The following AGMO variants were observed in gnomAD, a reference collection of about 807,000 sequenced individuals.
AGMO encodes the protein glyceryl-ether monooxygenase.
A neutral mutation model predicts 60.2 loss-of-function variants in AGMO; 75 were observed. The ratio of observed to expected loss-of-function variants is 1.25; its 90% CI spans 1.03 to 1.51. AGMO has a LOEUF of 1.51. Ranked by LOEUF, AGMO falls within the 40% of genes most tolerant of loss-of-function variation. The pLI is 0.00. For synonymous variants in AGMO, 261 were observed against 177.1 expected (o/e 1.47, Z -3.76); for missense variants, 763 against 525.5 (o/e 1.45, Z -4.42).
At chr7:15,517,935 C>T (rs1000495299) in intron 3 of AGMO, among the ~76,000 whole-genome samples, 1 of 152,162 alleles carries the variant, frequency 6.6e-6, no homozygotes, top group Non-Finnish European at 1.5e-5. Flanking sequence ...GAAATTCTCC[C>T]AGCCAGCACA....
intron 12 of AGMO, among the ~76,000 whole-genome samples, chr7:15,321,538 G>A (rs976617764): frequency 6.6e-6 from 1 of 152,032 alleles, no homozygotes; most frequent in Non-Finnish European, 1.5e-5. Context: ...AGAGCCAGAA[G>A]GAAATGGTAA....
chr7:15,533,739 G>T (rs1457000324), intron 3 of AGMO, among the ~76,000 whole-genome samples: 1 of 152,116 alleles, frequency 6.6e-6, no homozygotes, highest in Non-Finnish European at 1.5e-5. Flanking sequence ...GATGAAATCA[G>T]ATTTCTTGTT....
chr7:15,190,353 G>T, the AGMO span, among the ~76,000 whole-genome samples: 5 of 151,360 alleles, frequency 3.3e-5, no homozygotes, highest in East Asian at 9.7e-4. Flanking sequence ...GGCCAAAGAA[G>T]CAGGTTATCA....
chr7:15,180,708 G>A, the AGMO span, among the ~76,000 whole-genome samples: 1 of 152,158 alleles, frequency 6.6e-6, no homozygotes, highest in East Asian at 1.9e-4. Context: ...CATTTCCAAA[G>A]CTGTTTCCAC....
At chr7:15,125,411 C>G in the AGMO span, among the ~76,000 whole-genome samples, 1 of 151,984 alleles carries the variant, frequency 6.6e-6, no homozygotes, top group African/African-American at 2.4e-5. Flanking sequence ...ACCAAGAGCC[C>G]CATAGCTTAA....
At chr7:15,514,194 T>C (rs1401373260) in intron 3 of AGMO, among the ~76,000 whole-genome samples, 6 of 152,200 alleles carry the variant, frequency 3.9e-5, no homozygotes, top group Non-Finnish European at 5.9e-5. Flanking sequence ...CATCAACTCC[T>C]GGCTTATAAA....
At chr7:15,394,891 A>T (rs528430849) in intron 5 of AGMO, among the ~76,000 whole-genome samples, 71 of 152,308 alleles carry the variant, frequency 4.7e-4, no homozygotes, top group Non-Finnish European at 7.3e-4. Flanking sequence ...GCCTTTTTTC[A>T]CAATTAAAGT....
rs186964232 is a variant in AGMO, at chr7:15,201,185, G to C, written c.*100C>G. Reference sequence around the variant, plus strand: ...AATTTTACTTTTCATTGAAGAAATAGTTCATATAAGCATTACATAAAATAA... The same window carrying C: ...AATTTTACTTTTCATTGAAGAAATACTTCATATAAGCATTACATAAAATAA... On this transcript the variant is annotated 3_prime_UTR_variant, in exon 13 of 13. Coordinates refer to ENST00000342526, the MANE Select transcript of AGMO (RefSeq NM_001004320.2). The C allele has an allele frequency of 3.1e-6, 2 of 642,720 alleles. No individual in the cohort carries two copies. The highest frequency in any genetic ancestry group is 2.5e-6 in the Non-Finnish European group (1 of 401,632). The allele number at this position is 642,720 out of a possible 1,614,324, so 39.8% of individuals were successfully genotyped here.
intron 3 of AGMO, among the ~76,000 whole-genome samples, chr7:15,447,778 C>T (rs1781740840): frequency 6.6e-6 from 1 of 151,958 alleles, no homozygotes; most frequent in South Asian, 2.1e-4. Context: ...GTCTTGAACT[C>T]CTAACCTCAA....
the AGMO span, among the ~76,000 whole-genome samples, chr7:15,159,196 C>T: frequency 6.6e-6 from 1 of 152,068 alleles, no homozygotes; most frequent in South Asian, 2.1e-4. Flanking sequence ...AGAAGAAAAA[C>T]TTGAGATACA....
At chr7:15,551,678 C>A (rs1469491173) in intron 2 of AGMO, among the ~76,000 whole-genome samples, 1 of 150,978 alleles carries the variant, frequency 6.6e-6, no homozygotes, top group Non-Finnish European at 1.5e-5. Flanking sequence ...AGGATATAAA[C>A]AAATGGAAGA....
rs78521901 is a variant in AGMO at position 15,339,462 on chromosome 7, C to T, written c.1263+26052G>A. On this transcript the variant is annotated intron_variant, in intron 12 of 12. Transcript: ENST00000342526. ...TGATTATGCATATAATTATATCTAA[C>T]AAAATCCAAACATAATTTTAGAGGA... 8.3e-3 allele frequency among the ~76,000 whole-genome samples: 1,265 copies of T among 152,196 alleles called. 7 individuals are homozygous for T. Among genetic ancestry groups the T allele is most frequent in the Non-Finnish European group, 0.013 (897 of 68,018 alleles).
chr7:15,292,686 G>T (rs974798755), intron 12 of AGMO, among the ~76,000 whole-genome samples: 33 of 148,650 alleles, frequency 2.2e-4, no homozygotes, highest in African/African-American at 7.4e-4. Context: ...TAAATATTAA[G>T]ATTTCTATCA....
intron 12 of AGMO, among the ~76,000 whole-genome samples, chr7:15,247,701 T>C (rs1209241861): frequency 1.3e-5 from 2 of 152,120 alleles, no homozygotes; most frequent in Admixed American, 1.3e-4. Flanking sequence ...TTTCCCAACA[T>C]GACTAAATTA....
At chr7:15,320,317 C>T (rs1163432633) in intron 12 of AGMO, among the ~76,000 whole-genome samples, 3 of 151,498 alleles carry the variant, frequency 2.0e-5, no homozygotes, top group Admixed American at 6.6e-5. Context: ...CCTAATGCAA[C>T]TGAAGAAAGT....
At chr7:15,361,462 C>T (rs1294881149) in intron 12 of AGMO, among the ~76,000 whole-genome samples, 1 of 145,030 alleles carries the variant, frequency 6.9e-6, no homozygotes, top group East Asian at 2.0e-4. Flanking sequence ...ATGGCGTGAA[C>T]CTGGGAGGCG....
At chr7:15,393,335 T>C (rs1005844419) in intron 6 of AGMO, among the ~76,000 whole-genome samples, 5 of 152,240 alleles carry the variant, frequency 3.3e-5, no homozygotes, top group African/African-American at 4.8e-5. Flanking sequence ...CATTTACTTA[T>C]GTATTCATTT....
chr7:15,245,022 T>A, intron 12 of AGMO, among the ~76,000 whole-genome samples: 1 of 152,264 alleles, frequency 6.6e-6, no homozygotes, highest in South Asian at 2.1e-4. Flanking sequence ...AATACATATC[T>A]CATTCTTAGA....
intron 3 of AGMO, among the ~76,000 whole-genome samples, chr7:15,522,830 G>T (rs1336706725): frequency 6.6e-6 from 1 of 152,182 alleles, no homozygotes; most frequent in East Asian, 1.9e-4. Context: ...TGCAAAAAAA[G>T]CCAAAATTGA....
Sources: allele counts gnomAD v4.1 joint callset (sites outside exome capture counted in the v4.1 genomes callset), GRCh38; gene constraint gnomAD v4.1.1; transcripts MANE v1.5; gene names NCBI Gene and HGNC (gene_info 2026-07-23, HGNC 2026-07-21).